LONP1: variants seen among roughly 807,000 people sequenced by gnomAD.
LONP1 encodes lon peptidase 1, mitochondrial.
LONP1 carries 31 observed loss-of-function variants against 98.5 expected under a neutral mutation model. The observed-to-expected ratio is 0.31, with a 90% CI of 0.24 to 0.42. The LOEUF (loss-of-function observed/expected upper bound fraction) is 0.42. Among genes scored for constraint, LONP1 ranks in the 20% least tolerant of loss-of-function variants. LONP1 has a pLI of 1.00. For synonymous variants in LONP1, 781 were observed against 594.7 expected (o/e 1.31, Z -4.56); for missense variants, 1,336 against 1,350.6 (o/e 0.99, Z 0.17).
At position 5,694,337 on chromosome 19, in the gene LONP1, C is replaced by T. The variant is rs368569005; in HGVS notation, c.2320+50G>A. 4.1e-5 allele frequency: 65 copies of T among 1,599,336 alleles called. No homozygotes were observed. The Middle Eastern group carries it at 1.3e-3, about 33-fold the overall frequency. On this transcript the variant is annotated intron_variant, in intron 15 of 17. Coordinates refer to ENST00000360614, the MANE Select transcript of LONP1 (RefSeq NM_004793.4). ...GTACAAGGTGGGACCTGCTTGTTCT[C>T]GGGTAGAAATGGGAATGGCTTTGGG...
chr19:5,703,724 T>G (rs1232519621), intron 8 of LONP1, among the ~76,000 whole-genome samples: 1 of 151,712 alleles, frequency 6.6e-6, no homozygotes, highest in Non-Finnish European at 1.5e-5. Flanking sequence ...CAGTGACACT[T>G]TGCGGAGAGC....
At chr19:5,719,407 A>G (rs907810942) in intron 1 of LONP1, among the ~76,000 whole-genome samples, 1 of 152,236 alleles carries the variant, frequency 6.6e-6, no homozygotes, top group Non-Finnish European at 1.5e-5. Flanking sequence ...GCGCCGTAAC[A>G]CTACTCAGGT....
chr19:5,706,997 CTG>C (rs1318629304), intron 7 of LONP1, 61 bp downstream of exon 7: 1 of 1,384,584 alleles, frequency 7.2e-7, no homozygotes, highest in Non-Finnish European at 1.0e-6. Context: ...CAGAGCCTGA[CTG>C]ATGTCACGTG....
At chr19:5,697,301 T>C (rs1275224342) in intron 10 of LONP1, among the ~76,000 whole-genome samples, 8 of 151,774 alleles carry the variant, frequency 5.3e-5, no homozygotes, top group Admixed American at 5.3e-4. Flanking sequence ...GCCACTGGGA[T>C]GTGTGTGACA....
rs202008767 is a variant in LONP1 at position 5,693,307 on chromosome 19, C to T, written c.2694G>A (p.Lys898=). The stretch of plus-strand genomic sequence containing the variant: ...GTACAGGGACACTCACCGCAATGGT[C>T]TTCTCCTTGATGCCACCAACAGGCA... ...KILPVGGIKE[K]TIAAKRAGVT... The change falls in exon 17 of 18, where the codon AAG becomes AAA. Residue 898 remains lysine, a synonymous_variant. Transcript: ENST00000360614. The T allele has an allele frequency of 6.2e-7, 1 of 1,611,608 alleles. No individual in the cohort carries two copies. The highest frequency in any genetic ancestry group is 1.3e-5 in the African/African-American group (1 of 75,002).
chr19:5,716,991 T>G (rs942628464), intron 1 of LONP1, among the ~76,000 whole-genome samples: 11 of 152,160 alleles, frequency 7.2e-5, no homozygotes, highest in Admixed American at 2.6e-4. Context: ...AGACGGGGTT[T>G]CACCTTGTTA....
At chr19:5,720,371 C>G (rs570405774), upstream of LONP1, 1 of 626,470 alleles carries the variant, frequency 1.6e-6, no homozygotes, top group South Asian at 2.4e-5. Flanking sequence ...AGGCTGTGAG[C>G]AGGCGCCAGC....
Position 5,700,983 on chromosome 19 carries a change from C to A in LONP1, c.1368-56G>T, listed in dbSNP as rs1339323096. The A allele has an allele frequency of 1.6e-5, 25 of 1,605,696 alleles. No individual in the cohort carries two copies. In the East Asian group the frequency reaches 5.6e-4, roughly 36 times the overall value. ...TGGAGCTCACGAGCTGCCTGTCTCT[C>A]TGCTGGACTTGGCTGGGTGGTTGCA... On this transcript the variant is annotated intron_variant, in intron 8 of 17. Transcript: ENST00000360614.
chr19:5,708,600 G>A (rs1473126276), intron 4 of LONP1, 197 bp from the exon 5 acceptor site: 1 of 438,272 alleles, frequency 2.3e-6, no homozygotes, highest in Non-Finnish European at 4.4e-6. Flanking sequence ...AGGGACACAG[G>A]ACCAAGAGAG....
chr19:5,707,921 C>G, intron 5 of LONP1, 95 bp from the exon 6 acceptor site: 1 of 1,460,412 alleles, frequency 6.8e-7, no homozygotes, highest in South Asian at 1.2e-5. Context: ...GGTCCCTGTC[C>G]CCTGTAGCTA....
chr19:5,720,090 G>T lies in LONP1; in HGVS notation c.43C>A (p.Arg15=). The T allele has an allele frequency of 3.4e-6, 5 of 1,450,166 alleles. No homozygotes were observed. The highest frequency in any genetic ancestry group is 3.6e-6 in the Non-Finnish European group (4 of 1,107,256). The allele number at this position is 1,450,166 out of a possible 1,614,324, so 89.8% of individuals were successfully genotyped here. The stretch of plus-strand genomic sequence containing the variant: ...ATCGGCCGCCGCAGCACCCAGCACC[G>T]CGCCGCTCCCCACAGTCGCACGTAG... ...TGYVRLWGAA[R]CWVLRRPMLA... is the part of the protein sequence containing the mutation. Residue 15 remains arginine, a synonymous_variant, in exon 1 of 18, where the codon CGG becomes AGG. Transcript: ENST00000360614.
intron 10 of LONP1, among the ~76,000 whole-genome samples, chr19:5,698,683 C>T (rs997118805): frequency 6.6e-6 from 1 of 152,220 alleles, no homozygotes; most frequent in African/African-American, 2.4e-5. Flanking sequence ...CCACAGCCCA[C>T]ATAGACCAGC....
At chr19:5,707,232 A>T in intron 6 of LONP1, 89 bp from the exon 7 acceptor site, 1 of 1,058,950 alleles carries the variant, frequency 9.4e-7, no homozygotes, top group Non-Finnish European at 1.4e-6. Flanking sequence ...GCACCCTGAG[A>T]GATGCTGCCG....
chr19:5,707,731 G>T lies in LONP1; in HGVS notation c.1028C>A (p.Ser343Tyr). 1.2e-6 allele frequency: 2 copies of T among 1,613,356 alleles called. No homozygotes were observed. Among genetic ancestry groups the T allele is most frequent in the South Asian group, 1.1e-5 (1 of 91,060 alleles). ...DMGAALTGAE[S>Y]HELQDVLEET... Reference sequence around the variant, plus strand: ...TTCCAGGACGTCCTGCAGCTCATGGGACTCGGCCCCGGTGAGCGCGGCGCC... The same window carrying T: ...TTCCAGGACGTCCTGCAGCTCATGGTACTCGGCCCCGGTGAGCGCGGCGCC... The change falls in exon 6 of 18, where the codon TCC (serine) becomes TAC (tyrosine). Residue 343 changes from serine to tyrosine, a missense_variant. Physicochemically the swap from Ser to Tyr is moderately radical, Grantham distance 144. Coordinates refer to ENST00000360614, the MANE Select transcript of LONP1 (RefSeq NM_004793.4).
At chr19:5,704,540 C>A (rs1235933592) in intron 8 of LONP1, among the ~76,000 whole-genome samples, 1 of 152,220 alleles carries the variant, frequency 6.6e-6, no homozygotes, top group African/African-American at 2.4e-5. Context: ...ACGGCCTGCC[C>A]AGCCCTGCCC....
At chr19:5,702,121 G>A in intron 8 of LONP1, among the ~76,000 whole-genome samples, 1 of 148,914 alleles carries the variant, frequency 6.7e-6, no homozygotes, top group Non-Finnish European at 1.5e-5. Flanking sequence ...TCCGGGAGGT[G>A]AGGGGCGCCT....
chr19:5,709,837 G>A (rs894148968), intron 4 of LONP1, among the ~76,000 whole-genome samples: 15 of 148,470 alleles, frequency 1.0e-4, no homozygotes, highest in African/African-American at 3.7e-4. Context: ...GTGTGAACCC[G>A]GGAGGTGGAG....
upstream of LONP1, chr19:5,720,331 T>A (rs1012902205): frequency 1.3e-6 from 1 of 792,294 alleles, no homozygotes; most frequent in Non-Finnish European, 1.9e-6. Flanking sequence ...TCCCACTTTA[T>A]GCGCTGAAGG....
At chr19:5,719,629 C>A in intron 1 of LONP1, 75 bp downstream of exon 1, 1 of 1,608,640 alleles carries the variant, frequency 6.2e-7, no homozygotes, top group African/African-American at 1.3e-5. Flanking sequence ...CACAAGGGCG[C>A]TCAAGTGATC....
Sources: allele counts gnomAD v4.1 joint callset (sites outside exome capture counted in the v4.1 genomes callset), GRCh38; gene constraint gnomAD v4.1.1; transcripts MANE v1.5; gene names NCBI Gene and HGNC (gene_info 2026-07-23, HGNC 2026-07-21).